Variants in NTRK1 observed in about 807,000 individuals in gnomAD.
The protein encoded by NTRK1 is neurotrophic receptor tyrosine kinase 1.
Under a neutral mutation model 86.8 loss-of-function variants are expected in NTRK1, and 62 were observed. The ratio of observed to expected loss-of-function variants is 0.71; its 90% CI spans 0.58 to 0.88. The LOEUF (loss-of-function observed/expected upper bound fraction) is 0.88, where lower values mean the gene tolerates loss of function less well. Ranked by LOEUF, NTRK1 falls within the 40% of genes least tolerant of loss-of-function variation. The pLI is 0.00. For missense variants in NTRK1, 967 were observed against 1,078.4 expected, an observed-to-expected ratio of 0.90 and a Z score of 1.45; for synonymous variants, 469 against 456.6, an observed-to-expected ratio of 1.03 and a Z score of -0.35.
upstream of NTRK1, chr1:156,858,677 G>A (rs915181972): frequency 1.2e-5 from 17 of 1,470,730 alleles, no homozygotes; most frequent in African/African-American, 1.5e-4. Context: ...ACTCTGGGGA[G>A]AACGGTGTGA....
intron 6 of NTRK1, among the ~76,000 whole-genome samples, chr1:156,871,356 C>T (rs1647536996): frequency 6.6e-6 from 1 of 152,100 alleles, no homozygotes; most frequent in South Asian, 2.1e-4. Flanking sequence ...TGTTCAAGAC[C>T]AGCCTGGGCA....
At position 156,844,737 on chromosome 1, in the gene NTRK1, C is replaced by T. The variant is rs756794413; in HGVS notation, c.50+2544C>T. The T allele has an allele frequency of 7.4e-6, 12 of 1,614,124 alleles. 1 individual carries two copies. In the East Asian group the frequency reaches 2.5e-4, roughly 33 times the overall value. On this transcript the variant is annotated intron_variant, in intron 2 of 16. Transcript: ENST00000392302. ...CCAAGCGGCGGTACTTGATTTCGTA[C>T]TTGAGGATGAGTCCGTTGGGGTCTG...
intron 2 of NTRK1, chr1:156,849,058 C>A (rs1369074208): frequency 1.9e-6 from 3 of 1,610,692 alleles, no homozygotes; most frequent in Non-Finnish European, 2.5e-6. Flanking sequence ...CTGGGTGGGG[C>A]GAGGGGCCTG....
intron 1 of NTRK1, chr1:156,837,588 G>C (rs1309373092): frequency 6.6e-6 from 1 of 152,288 alleles, no homozygotes; most frequent in Non-Finnish European, 1.5e-5. Flanking sequence ...AGGGCTTGGA[G>C]GAGACCAAAA....
In NTRK1 at chr1:156,881,530, T is replaced by A. The variant is rs2102931006; in HGVS notation, c.2279T>A (p.Met760Lys). ...TGCCCACCAGAGGTCTACGCCATCA[T>A]GCGGGGCTGCTGGCAGCGGGAGCCC... is the stretch of plus-strand genomic sequence containing the variant. ...RACPPEVYAI[M>K]RGCWQREPQQ... Residue 760 changes from methionine (M) to lysine (K), a missense_variant, in exon 17 of 17, where the codon ATG becomes AAG. Transcript: ENST00000524377. The A allele has an allele frequency of 6.2e-7, 1 of 1,603,162 alleles. No homozygotes were observed. The highest frequency in any genetic ancestry group is 8.5e-7 in the Non-Finnish European group (1 of 1,175,238).
At position 156,845,163 on chromosome 1, in the gene NTRK1, G is replaced by C. The variant is rs773562647; in HGVS notation, c.50+2970G>C. The C allele has an allele frequency of 1.9e-6, 3 of 1,611,292 alleles. No individual in the cohort carries two copies. In the South Asian group the frequency reaches 3.3e-5, roughly 18 times the overall value. On this transcript the variant is annotated intron_variant, in intron 2 of 16. Coordinates refer to the NTRK1 transcript ENST00000392302. ...TGGTTGCAGGCATGGATGTCGATCC[G>C]GTATTCCGTGAAGTGGCGCAGGCCG...
intron 1 of NTRK1, among the ~76,000 whole-genome samples, chr1:156,831,796 T>C (rs1279398289): frequency 1.3e-5 from 2 of 152,230 alleles, no homozygotes; most frequent in Non-Finnish European, 2.9e-5. Context: ...GAGGATCTCA[T>C]AGACTCTGAG....
intron 1 of NTRK1, among the ~76,000 whole-genome samples, chr1:156,862,480 G>A (rs1655698588): frequency 6.6e-6 from 1 of 152,156 alleles, no homozygotes; most frequent in Admixed American, 6.5e-5. Context: ...GGGTCCAGCA[G>A]GGTAGGGATG....
At chr1:156,816,454 C>T (rs527524176) in intron 1 of NTRK1, among the ~76,000 whole-genome samples, 1 of 152,314 alleles carries the variant, frequency 6.6e-6, no homozygotes, top group Non-Finnish European at 1.5e-5. Context: ...CCTCTCTCCT[C>T]TCTGAGAAGC....
chr1:156,823,895 TC>T (rs1017403461), intron 1 of NTRK1, among the ~76,000 whole-genome samples: 3 of 152,134 alleles, frequency 2.0e-5, no homozygotes, highest in African/African-American at 7.2e-5. Context: ...GTTCACTGCC[TC>T]CCCAGTGATA....
chr1:156,873,658 G>A lies in NTRK1; in HGVS notation c.876G>A (p.Thr292=), dbSNP rs749993335. ...TCCCGGCCAGTGTGCAGCTGCACACGGCGGTGGAGATGCACCACTGGTGCA... is the reference window on the plus strand; with the variant it reads ...TCCCGGCCAGTGTGCAGCTGCACACAGCGGTGGAGATGCACCACTGGTGCA... ...VSFPASVQLH[T]AVEMHHWCIP... Residue 292 remains threonine (T), a synonymous_variant, in exon 8 of 17, where the codon ACG becomes ACA. Transcript: ENST00000524377. 5.0e-6 allele frequency: 8 copies of A among 1,610,386 alleles called. No homozygotes were observed. The highest frequency in any genetic ancestry group is 1.1e-5 in the South Asian group (1 of 90,898).
intron 1 of NTRK1, chr1:156,841,830 G>A (rs770935143): frequency 1.9e-6 from 3 of 1,614,050 alleles, no homozygotes; most frequent in Non-Finnish European, 1.7e-6. Context: ...GAGGTGTGGG[G>A]CATAAGAGCC....
chr1:156,820,549 C>A (rs181836646), intron 1 of NTRK1, among the ~76,000 whole-genome samples: 1 of 152,314 alleles, frequency 6.6e-6, no homozygotes, highest in East Asian at 1.9e-4. Flanking sequence ...ATCCAGCCCC[C>A]CCAATGTATG....
intron 1 of NTRK1, among the ~76,000 whole-genome samples, chr1:156,832,417 G>A (rs958914011): frequency 1.3e-5 from 2 of 152,126 alleles, no homozygotes; most frequent in South Asian, 2.1e-4. Context: ...AAGAAGGAGT[G>A]GTCTATTCTG....
At chr1:156,852,665 G>T (rs1350312720) in intron 2 of NTRK1, among the ~76,000 whole-genome samples, 1 of 152,234 alleles carries the variant, frequency 6.6e-6, no homozygotes, top group Non-Finnish European at 1.5e-5. Context: ...CCTGCCCTGG[G>T]CAGGAGGTGG....
chr1:156,850,759 G>A (rs914558071), intron 2 of NTRK1, among the ~76,000 whole-genome samples: 6 of 151,392 alleles, frequency 4.0e-5, no homozygotes, highest in South Asian at 2.1e-4. Flanking sequence ...GTTTCACCAC[G>A]TTGGCCAGGC....
At chr1:156,835,671 A>G (rs1390389794) in intron 1 of NTRK1, among the ~76,000 whole-genome samples, 1 of 152,228 alleles carries the variant, frequency 6.6e-6, no homozygotes, top group Admixed American at 6.5e-5. Flanking sequence ...CATCCTGGCC[A>G]TCTTTCCATG....
At chr1:156,825,496 T>C (rs1480453812) in intron 1 of NTRK1, among the ~76,000 whole-genome samples, 1 of 152,216 alleles carries the variant, frequency 6.6e-6, no homozygotes, top group Admixed American at 6.5e-5. Context: ...AGTTATTCAC[T>C]TTTTTATTCC....
chr1:156,833,553 G>A (rs1454764832), intron 1 of NTRK1, among the ~76,000 whole-genome samples: 17 of 113,690 alleles, frequency 1.5e-4, no homozygotes, highest in East Asian at 3.4e-4. Flanking sequence ...GCGAGACTCC[G>A]TCTCAAAAAA....
Sources: allele counts gnomAD v4.1 joint callset (sites outside exome capture counted in the v4.1 genomes callset), GRCh38; gene constraint gnomAD v4.1.1; transcripts MANE v1.5; gene names NCBI Gene and HGNC (gene_info 2026-07-23, HGNC 2026-07-21).